Variants in NCOA3 observed in about 807,000 individuals in gnomAD.
NCOA3 encodes CBP-interacting protein.
NCOA3 carries 51 observed loss-of-function variants against 158.8 expected under a neutral mutation model. That is an observed-to-expected ratio of 0.32 (90% CI 0.26 to 0.41). The LOEUF (loss-of-function observed/expected upper bound fraction) is 0.41, where lower values mean the gene tolerates loss of function less well. NCOA3 is among the 10% of genes least tolerant of loss of function. The pLI is 1.00. For synonymous variants in NCOA3, 537 were observed against 592.4 expected, an observed-to-expected ratio of 0.91 and a Z score of 1.36; for missense variants, 1,510 against 1,746.6, an observed-to-expected ratio of 0.86 and a Z score of 2.41.
chr20:47,573,822 C>T (rs1414150110), intron 1 of NCOA3, among the ~76,000 whole-genome samples: 1 of 152,174 alleles, frequency 6.6e-6, no homozygotes, highest in Non-Finnish European at 1.5e-5. Context: ...GGATTAGGTT[C>T]TCTGAATTCA....
intron 8 of NCOA3, among the ~76,000 whole-genome samples, chr20:47,629,635 G>A (rs901443944): frequency 6.6e-6 from 1 of 152,064 alleles, no homozygotes; most frequent in African/African-American, 2.4e-5. Context: ...CCGGCTGTAT[G>A]TTACTTTATA....
intron 1 of NCOA3, among the ~76,000 whole-genome samples, chr20:47,560,224 T>C (rs1158592128): frequency 2.0e-5 from 3 of 152,074 alleles, no homozygotes; most frequent in Non-Finnish European, 2.9e-5. Context: ...GGATTATAGG[T>C]GTGCGCTATC....
chr20:47,593,790 A>G (rs2085694975), intron 2 of NCOA3, among the ~76,000 whole-genome samples: 1 of 152,226 alleles, frequency 6.6e-6, no homozygotes, highest in Non-Finnish European at 1.5e-5. Context: ...ACATTTTCCT[A>G]AAATTCTAGT....
intron 8 of NCOA3, chr20:47,630,409 A>G (rs1358882233): frequency 4.2e-5 from 6 of 141,956 alleles, no homozygotes. Context: ...TTTCTTCAGT[A>G]TGTTTTCTAA....
intron 1 of NCOA3, among the ~76,000 whole-genome samples, chr20:47,576,800 C>T (rs1053526137): frequency 3.9e-5 from 6 of 152,294 alleles, no homozygotes; most frequent in African/African-American, 1.4e-4. Context: ...TCTTGTGGAA[C>T]GCCTTCCACT....
At position 47,652,950 on chromosome 20, in the gene NCOA3, T is replaced by A. The variant is rs1382695511; in HGVS notation, c.4141T>A (p.Phe1381Ile). The A allele has an allele frequency of 6.2e-7, 1 of 1,614,194 alleles. No homozygotes were observed. The change falls in exon 22 of 23, where the codon TTT becomes ATT. Residue 1381 changes from phenylalanine to isoleucine, a missense_variant. Transcript: ENST00000371998. ...ARNSSFSQQQFAHQGNPAVYS... is the reference protein window; with the variant it reads ...ARNSSFSQQQIAHQGNPAVYS... ...TTACAGCTCCTTTTCCCAGCAGCAG[T>A]TTGCCCACCAGGGGAATCCTGCAGT...
At chr20:47,532,590 C>T in intron 1 of NCOA3, among the ~76,000 whole-genome samples, 1 of 152,116 alleles carries the variant, frequency 6.6e-6, no homozygotes. Flanking sequence ...ACCTCAGCCT[C>T]ATGGGTAGCT....
intron 8 of NCOA3, 85 bp from the exon 9 acceptor site, chr20:47,633,411 T>C: frequency 4.8e-6 from 6 of 1,260,404 alleles, no homozygotes; most frequent in Non-Finnish European, 6.6e-6. Flanking sequence ...TTTTATTTTA[T>C]TCTCCAGTGC....
intron 1 of NCOA3, among the ~76,000 whole-genome samples, chr20:47,550,446 G>GAAAA (rs3091464): frequency 3.4e-5 from 4 of 117,720 alleles, no homozygotes; most frequent in Admixed American, 9.7e-5. Flanking sequence ...CTCCGTCTCA[G>GAAAA]AAAAAAAAAA....
intron 15 of NCOA3, 34 bp from the exon 16 acceptor site, chr20:47,639,891 T>A (rs932178187): frequency 7.4e-6 from 12 of 1,613,304 alleles, no homozygotes; most frequent in Admixed American, 1.7e-5. Flanking sequence ...TTTGCTCTTA[T>A]TTGAGAATTT....
intron 14 of NCOA3, 80 bp from the exon 15 acceptor site, chr20:47,639,497 G>A (rs1304486562): frequency 1.9e-6 from 3 of 1,545,630 alleles, no homozygotes; most frequent in Non-Finnish European, 2.6e-6. Flanking sequence ...TTGATGTTGT[G>A]TATAATGGCT....
At chr20:47,524,267 T>G (rs540451549) in intron 1 of NCOA3, among the ~76,000 whole-genome samples, 2 of 147,240 alleles carry the variant, frequency 1.4e-5, no homozygotes, top group South Asian at 4.2e-4. Flanking sequence ...ATTCACAATC[T>G]TTTCTAACAT....
intron 2 of NCOA3, among the ~76,000 whole-genome samples, chr20:47,600,779 G>A (rs1181035169): frequency 6.9e-6 from 1 of 144,922 alleles, no homozygotes; most frequent in African/African-American, 2.6e-5. Context: ...GCCTCCCAAA[G>A]TGTTGGGATT....
chr20:47,568,013 T>C (rs1328885518), intron 1 of NCOA3, among the ~76,000 whole-genome samples: 1 of 152,198 alleles, frequency 6.6e-6, no homozygotes, highest in African/African-American at 2.4e-5. Flanking sequence ...GGCTTTTAAG[T>C]CTTTTGTTAA....
chr20:47,603,049 TAA>T (rs1261796452), intron 2 of NCOA3, among the ~76,000 whole-genome samples: 1 of 152,200 alleles, frequency 6.6e-6, no homozygotes, highest in Non-Finnish European at 1.5e-5. Context: ...CCTTTCCTAA[TAA>T]GAGTTCCGTT....
At position 47,636,540 on chromosome 20, in the gene NCOA3, C is replaced by T. The variant is rs371484815; in HGVS notation, c.2154C>T (p.Asp718=). The part of the protein sequence containing the change: ...KDTSSITSCG[D]GNVVKQEQLS... ...CCAGCAGTATAACTTCTTGTGGGGACGGAAATGTTGTCAAGCAGGAGCAGC... is the reference window on the plus strand; with the variant it reads ...CCAGCAGTATAACTTCTTGTGGGGATGGAAATGTTGTCAAGCAGGAGCAGC... Residue 718 remains aspartate (D), a synonymous_variant, in exon 12 of 23, where the codon GAC becomes GAT. Transcript: ENST00000371998. 103 of 1,613,952 alleles carry T rather than the reference C, an allele frequency of 6.4e-5. No individual in the cohort carries two copies. Among genetic ancestry groups the T allele is most frequent in the East Asian group, 8.9e-5 (4 of 44,882 alleles).
At chr20:47,515,359 C>G (rs2084215069) in intron 1 of NCOA3, among the ~76,000 whole-genome samples, 1 of 151,170 alleles carries the variant, frequency 6.6e-6, no homozygotes, top group Non-Finnish European at 1.5e-5. Flanking sequence ...GATGGGGTTT[C>G]ACTGTCTTAG....
intron 2 of NCOA3, among the ~76,000 whole-genome samples, chr20:47,610,415 TCA>T (rs1458499993): frequency 6.6e-6 from 1 of 152,112 alleles, no homozygotes; most frequent in Non-Finnish European, 1.5e-5. Context: ...AGACAGAATC[TCA>T]CTATGTTGCC....
At chr20:47,641,788 C>T (rs1162205561) in intron 16 of NCOA3, among the ~76,000 whole-genome samples, 1 of 152,066 alleles carries the variant, frequency 6.6e-6, no homozygotes, top group Non-Finnish European at 1.5e-5. Context: ...AGCCACTGCG[C>T]CTGGCCATAG....
Sources: allele counts gnomAD v4.1 joint callset (sites outside exome capture counted in the v4.1 genomes callset), GRCh38; gene constraint gnomAD v4.1.1; transcripts MANE v1.5; gene names NCBI Gene and HGNC (gene_info 2026-07-23, HGNC 2026-07-21).